Variants in DMD observed in about 807,000 individuals in gnomAD.
The protein encoded by DMD is mutant dystrophin.
In DMD, 63 loss-of-function variants were observed where a neutral mutation model predicts 330.1. That is an observed-to-expected ratio of 0.19 (90% CI 0.16 to 0.24). The LOEUF (loss-of-function observed/expected upper bound fraction) is 0.24. Ranked by LOEUF, DMD falls within the 10% of genes least tolerant of loss-of-function variation. The pLI is 1.00. For missense variants in DMD, 3,344 were observed against 2,684.1 expected (o/e 1.25, Z -5.43); for synonymous variants, 1,223 against 959.8 (o/e 1.27, Z -5.07).
intron 58 of DMD, 32 bp downstream of exon 58, chrX:31,478,951 C>T (rs1184979411): frequency 2.5e-6 from 3 of 1,203,198 alleles, no homozygotes; most frequent in Non-Finnish European, 3.4e-6. Context: ...ATCCTTCTAT[C>T]AATATGTTAT....
rs145634106 is a variant in DMD, at chrX:32,601,458, T to C, written c.1483-5582A>G. 2.4e-3 allele frequency among the ~76,000 whole-genome samples: 273 copies of C among 111,646 alleles called. 1 individual carries two copies. Among genetic ancestry groups the C allele is most frequent in the African/African-American group, 8.8e-3 (270 of 30,795 alleles). ...TGGGGGTTCTGAAAGACTGTTTCAATGGAGAGATTTGAAAGGCTATACAAG... is the reference window on the plus strand; with the variant it reads ...TGGGGGTTCTGAAAGACTGTTTCAACGGAGAGATTTGAAAGGCTATACAAG... On this transcript the variant is annotated intron_variant, in intron 12 of 78. Transcript: ENST00000357033.
chrX:32,402,341 G>A (rs1428017606), intron 30 of DMD, among the ~76,000 whole-genome samples: 3 of 111,072 alleles, frequency 2.7e-5, no homozygotes, highest in Non-Finnish European at 5.7e-5. Context: ...CAACTTTGAG[G>A]TACAATTTAC....
intron 11 of DMD, among the ~76,000 whole-genome samples, chrX:32,641,895 G>A (rs1268324840): frequency 9.0e-6 from 1 of 111,128 alleles, no homozygotes; most frequent in African/African-American, 3.3e-5. Flanking sequence ...AAAAAAATAG[G>A]TAATGCTCCA....
chrX:32,880,141 C>A (rs886239665), intron 2 of DMD, among the ~76,000 whole-genome samples: 1 of 111,039 alleles, frequency 9.0e-6, no homozygotes, highest in East Asian at 2.8e-4. Context: ...CAATTTTTTG[C>A]CAATTGCCCA....
intron 7 of DMD, among the ~76,000 whole-genome samples, chrX:32,739,242 A>G (rs2068915654): frequency 8.9e-6 from 1 of 112,015 alleles, no homozygotes; most frequent in Non-Finnish European, 1.9e-5. Context: ...CAGCTCCAGA[A>G]CCTATGCTGT....
chrX:31,442,580 CT>C (rs1279046121), intron 60 of DMD, among the ~76,000 whole-genome samples: 1 of 110,276 alleles, frequency 9.1e-6, no homozygotes, highest in African/African-American at 3.3e-5. Context: ...AGTCATAATC[CT>C]TTGACCTCAT....
At chrX:33,285,613 T>G (rs775394196) in intron 1 of DMD, among the ~76,000 whole-genome samples, 1 of 111,927 alleles carries the variant, frequency 8.9e-6, no homozygotes, top group Non-Finnish European at 1.9e-5. Context: ...CACCCTCCAG[T>G]CAAACAATCC....
At chrX:32,742,726 A>G (rs2069457299) in intron 7 of DMD, among the ~76,000 whole-genome samples, 1 of 112,118 alleles carries the variant, frequency 8.9e-6, no homozygotes. Context: ...TATAAGGAAA[A>G]AGGCTGGGGC....
At chrX:32,702,614 T>A (rs1301171259) in intron 7 of DMD, among the ~76,000 whole-genome samples, 5 of 111,329 alleles carry the variant, frequency 4.5e-5, no homozygotes, top group Non-Finnish European at 7.5e-5. Flanking sequence ...CCATCAAAAT[T>A]TTATTAAAGT....
rs1359947411 is a variant in DMD at position 31,323,853 on chromosome X, GCA to G, written c.9164-197_9164-196del. ...TCTAAGCGAAACTGAACTCATTCAG[GCA>G]CAAAGATAAATGCGAAGAAAAAAAA... On this transcript the variant is annotated intron_variant, in intron 61 of 78. Coordinates refer to ENST00000357033, the MANE Select transcript of DMD (RefSeq NM_004006.3). Among the ~76,000 whole-genome samples, 4 of 109,903 alleles carry G rather than the reference GCA, an allele frequency of 3.6e-5. No homozygotes were observed. The Admixed American group carries it at 3.9e-4, about 11-fold the overall frequency.
chrX:31,861,946 T>TACAC (rs60169449), intron 48 of DMD, among the ~76,000 whole-genome samples: 4,534 of 87,802 alleles, frequency 0.052, 213 homozygotes, highest in African/African-American at 0.14. Flanking sequence ...GAAAATAATA[T>TACAC]ACACACACAC....
intron 64 of DMD, among the ~76,000 whole-genome samples, chrX:31,211,959 T>C (rs888008029): frequency 9.0e-6 from 1 of 110,930 alleles, no homozygotes; most frequent in Admixed American, 9.6e-5. Flanking sequence ...GGTGAGAATA[T>C]CAATAGGGAC....
chrX:32,576,040 G>A (rs1032543282), intron 13 of DMD, among the ~76,000 whole-genome samples: 10 of 111,518 alleles, frequency 9.0e-5, no homozygotes, highest in Non-Finnish European at 1.7e-4. Context: ...ATTCCAGGTT[G>A]TATAACATTT....
At chrX:31,965,839 C>A (rs956080842) in intron 45 of DMD, among the ~76,000 whole-genome samples, 19 of 111,978 alleles carry the variant, frequency 1.7e-4, no homozygotes, top group African/African-American at 5.5e-4. Context: ...TCTTAAACTG[C>A]ATCGCTAACT....
chrX:32,747,992 G>A (rs182814921), intron 7 of DMD, among the ~76,000 whole-genome samples: 12 of 111,616 alleles, frequency 1.1e-4, no homozygotes, highest in African/African-American at 3.9e-4. Context: ...CTCTTTATTT[G>A]GTACTTACTA....
chrX:31,173,973 A>G (rs1476797670), intron 71 of DMD, among the ~76,000 whole-genome samples: 1 of 111,243 alleles, frequency 9.0e-6, no homozygotes, highest in Non-Finnish European at 1.9e-5. Flanking sequence ...TAAAATTTTA[A>G]ATAGTTTACA....
chrX:31,261,225 AAT>A (rs2050479473), intron 62 of DMD: 1 of 408,888 alleles, frequency 2.4e-6, no homozygotes, highest in African/African-American at 2.5e-5. Flanking sequence ...AGAGAAAAGC[AAT>A]ATAAACATTA....
At chrX:32,669,758 C>G (rs1475922813) in intron 9 of DMD, among the ~76,000 whole-genome samples, 1 of 111,310 alleles carries the variant, frequency 9.0e-6, no homozygotes, top group African/African-American at 3.3e-5. Context: ...CCTCTCCATT[C>G]AGCTTCATAA....
intron 2 of DMD, among the ~76,000 whole-genome samples, chrX:32,866,409 C>A (rs2082481009): frequency 9.0e-6 from 1 of 111,725 alleles, no homozygotes; most frequent in Non-Finnish European, 1.9e-5. Flanking sequence ...ATATTTGTTT[C>A]TACACAGAAG....
Sources: gnomAD v4.1 joint callset for allele counts (sites outside exome capture counted in the v4.1 genomes callset) on GRCh38, gnomAD v4.1.1 for gene constraint, MANE v1.5 for transcripts, NCBI Gene and HGNC (gene_info 2026-07-23, HGNC 2026-07-21) for gene names.